The following DHCR24 variants were observed in gnomAD, a reference collection of about 807,000 sequenced individuals.
DHCR24 encodes delta(24)-sterol reductase.
A neutral mutation model predicts 61.2 loss-of-function variants in DHCR24; 28 were observed. That is an observed-to-expected ratio of 0.46 (90% confidence interval 0.34 to 0.63). The LOEUF is 0.63. Among genes scored for constraint, DHCR24 ranks in the 20% least tolerant of loss-of-function variants. DHCR24 has a pLI of 0.01. For missense variants in DHCR24, 538 were observed against 679.1 expected (o/e 0.79, Z 2.31); for synonymous variants, 261 against 275.9 (o/e 0.95, Z 0.54).
Position 54,886,710 on chromosome 1 carries a change from G to T in DHCR24, c.231+179C>A, listed in dbSNP as rs1260213430. 4 of 1,463,192 alleles carry T rather than the reference G, an allele frequency of 2.7e-6. No individual in the cohort carries two copies. In the African/African-American group the frequency reaches 4.3e-5, roughly 16 times the overall value. 90.6% of individuals were successfully genotyped at this position (1,463,192 alleles called of 1,614,324 possible). On this transcript the variant is annotated intron_variant, in intron 1 of 8. Transcript: ENST00000371269. ...ACACAGTGGGCACTTTGCCTGTTCT[G>T]TTCCCCCGCCCCCATCACATTTTTG...
chr1:54,886,721 C>T, intron 1 of DHCR24, 168 bp downstream of exon 1: 1 of 1,414,306 alleles, frequency 7.1e-7, no homozygotes, highest in Non-Finnish European at 9.3e-7. Flanking sequence ...TTCCCCCGCC[C>T]CCATCACATT....
rs1557439371 is a variant in DHCR24 at position 54,879,331 on chromosome 1, A to AGGG, written c.388-3285_388-3284insCCC. Among the ~76,000 whole-genome samples the AGGG allele has an allele frequency of 8.6e-3, 653 of 76,080 alleles. 7 individuals carry two copies. The highest frequency in any genetic ancestry group is 0.013 in the Non-Finnish European group (503 of 37,320). The allele number at this position is 76,080 out of a possible 152,430, so 49.9% of individuals were successfully genotyped here. A position where few individuals can be genotyped will look rare whatever the true frequency, so the allele number is the denominator to read the frequency against. On this transcript the variant is annotated intron_variant, in intron 2 of 8. Coordinates refer to ENST00000371269, the MANE Select transcript of DHCR24 (RefSeq NM_014762.4). ...GAGCAAGACTCCATCTGAAAAAAAA[A>AGGG]AAAAAAAAAAAAAAAAAAAAATCCA...
At chr1:54,884,438 A>T (rs1036445878) in intron 1 of DHCR24, among the ~76,000 whole-genome samples, 2 of 152,214 alleles carry the variant, frequency 1.3e-5, no homozygotes, top group Non-Finnish European at 2.9e-5. Flanking sequence ...GGAGCAGGGA[A>T]GGACCACCAA....
rs1444702507 is a variant in DHCR24, at chr1:54,871,354, C to CTGGG, written c.868_871dup (p.Ser291ThrfsTer6). On this transcript the variant is annotated frameshift_variant, in exon 5 of 9. Coordinates refer to ENST00000371269, the MANE Select transcript of DHCR24 (RefSeq NM_014762.4). LOFTEE classifies it high-confidence loss of function. ...GCAGCTGACACCCTGGCTTACCTTG[C>CTGGG]TGGGCTCTGCCTCATCTGTCATGAC... is the stretch of plus-strand genomic sequence containing the variant. 6.2e-7 allele frequency: 1 copy of CTGGG among 1,613,932 alleles called. No homozygotes were observed. Among genetic ancestry groups the CTGGG allele is most frequent in the Non-Finnish European group, 8.5e-7 (1 of 1,180,030 alleles).
In DHCR24 at chr1:54,853,041, G is replaced by T. The variant is rs376241317; in HGVS notation, c.1397+393C>A. ...ATCCTCTGTCCTGGGCCTCTCCGTGGTTTTCATAGACAGGAATCCCTCTCT... is the reference window on the plus strand; with the variant it reads ...ATCCTCTGTCCTGGGCCTCTCCGTGTTTTTCATAGACAGGAATCCCTCTCT... On this transcript the variant is annotated intron_variant, in intron 8 of 8. Transcript: ENST00000371269. 1.1e-3 allele frequency among the ~76,000 whole-genome samples: 174 copies of T among 152,242 alleles called. 1 individual carries two copies. In the South Asian group the frequency reaches 0.028, roughly 24 times the overall value.
At chr1:54,873,556 G>A (rs959854154) in intron 4 of DHCR24, among the ~76,000 whole-genome samples, 4 of 152,192 alleles carry the variant, frequency 2.6e-5, no homozygotes, top group African/African-American at 9.7e-5. Flanking sequence ...GTGTGTTATT[G>A]CCCCTGAAGA....
Position 54,852,003 on chromosome 1 carries a change from G to T in DHCR24, c.*230C>A. 1 of 586,092 alleles carries T rather than the reference G, an allele frequency of 1.7e-6. No individual in the cohort carries two copies. The highest frequency in any genetic ancestry group is 3.0e-6 in the Non-Finnish European group (1 of 329,790). The allele number at this position is 586,092 out of a possible 1,614,324, so 36.3% of individuals were successfully genotyped here. A position where few individuals can be genotyped will look rare whatever the true frequency, so the allele number is the denominator to read the frequency against. ...TCACCCAGAGTCACACAGCTAATGA[G>T]TTCTAAACGGGGAACTGGACTCAGG... is the stretch of plus-strand genomic sequence containing the variant. On this transcript the variant is annotated 3_prime_UTR_variant, in exon 9 of 9. Transcript: ENST00000371269.
At chr1:54,877,871 T>C (rs1461489718) in intron 2 of DHCR24, among the ~76,000 whole-genome samples, 1 of 151,316 alleles carries the variant, frequency 6.6e-6, no homozygotes, top group Non-Finnish European at 1.5e-5. Flanking sequence ...ATTAGCTGGG[T>C]GTGGTGGCAA....
At chr1:54,868,610 G>A (rs935444864) in intron 5 of DHCR24, among the ~76,000 whole-genome samples, 10 of 152,174 alleles carry the variant, frequency 6.6e-5, no homozygotes, top group Non-Finnish European at 1.2e-4. Flanking sequence ...AGTGCAAGGT[G>A]CAATGCAAGG....
Position 54,853,454 on chromosome 1 carries a change from C to T in DHCR24, c.1377G>A (p.Lys459=). Residue 459 remains lysine (K), a synonymous_variant, in exon 8 of 9, where the codon AAG becomes AAA. Coordinates refer to ENST00000371269, the MANE Select transcript of DHCR24 (RefSeq NM_014762.4). ...EARSCMRQLE[K]FVRSVHGFQM... is the part of the protein sequence containing the mutation. ...CTCACCCATGCACGCTGCGGACAAACTTCTCCAGCTGCCTCATGCAGGACC... is the reference window on the plus strand; with the variant it reads ...CTCACCCATGCACGCTGCGGACAAATTTCTCCAGCTGCCTCATGCAGGACC... 1.2e-6 allele frequency: 2 copies of T among 1,614,198 alleles called. No homozygotes were observed. The highest frequency in any genetic ancestry group is 2.2e-5 in the South Asian group (2 of 91,076).
Position 54,865,266 on chromosome 1 carries a change from C to T in DHCR24, c.1020+37G>A, listed in dbSNP as rs1415170677. ...CTGTCCGGGCTCCCTGCCCAGCTGG[C>T]CTGGAGGAGCCAGGGCTACAGAAAC... On this transcript the variant is annotated intron_variant, in intron 6 of 8. Coordinates refer to ENST00000371269, the MANE Select transcript of DHCR24 (RefSeq NM_014762.4). 2.5e-6 allele frequency: 4 copies of T among 1,601,716 alleles called. No homozygotes were observed. In the Admixed American group the frequency reaches 5.2e-5, roughly 21 times the overall value.
Position 54,885,067 on chromosome 1 carries a change from C to T in DHCR24, c.232-1294G>A, listed in dbSNP as rs757051076. Among the ~76,000 whole-genome samples, 10 of 152,222 alleles carry T rather than the reference C, an allele frequency of 6.6e-5. No individual in the cohort carries two copies. The East Asian group carries it at 1.9e-3, about 29-fold the overall frequency. On this transcript the variant is annotated intron_variant, in intron 1 of 8. Transcript: ENST00000371269. ...GTCAGTTTGAATTGAGCTTCTTTCA[C>T]TTGCAACCAAAAGTCTGGTCAAATA...
intron 7 of DHCR24, 139 bp from the exon 8 acceptor site, chr1:54,853,751 C>T: frequency 1.9e-6 from 2 of 1,037,874 alleles, no homozygotes; most frequent in South Asian, 1.4e-5. Context: ...CTTCACTGCC[C>T]CGCCCCCCAG....
intron 6 of DHCR24, 141 bp downstream of exon 6, chr1:54,865,162 C>A: frequency 9.8e-7 from 1 of 1,016,806 alleles, no homozygotes; most frequent in Non-Finnish European, 1.5e-6. Flanking sequence ...GACTGTGTTG[C>A]TGCTTAAGAA....
intron 1 of DHCR24, 53 bp downstream of exon 1, chr1:54,886,836 C>T: frequency 1.3e-6 from 2 of 1,592,966 alleles, no homozygotes; most frequent in Admixed American, 3.6e-5. Context: ...TCCCGCTATC[C>T]CCGCGCACGC....
At chr1:54,884,833 C>T (rs1383755334) in intron 1 of DHCR24, among the ~76,000 whole-genome samples, 2 of 152,096 alleles carry the variant, frequency 1.3e-5, no homozygotes, top group African/African-American at 4.8e-5. Context: ...GTCGCTAAGC[C>T]GGTTGGATAT....
intron 4 of DHCR24, among the ~76,000 whole-genome samples, chr1:54,872,579 C>A (rs1557436734): frequency 6.6e-6 from 1 of 152,136 alleles, no homozygotes; most frequent in Non-Finnish European, 1.5e-5. Flanking sequence ...CCAATTCCCC[C>A]TTGGGCCCAC....
chr1:54,875,633 T>C (rs1186476281), intron 3 of DHCR24, among the ~76,000 whole-genome samples: 6 of 151,986 alleles, frequency 3.9e-5, no homozygotes. Context: ...ATGAATCCTA[T>C]GGGAGGAGAA....
At chr1:54,882,728 G>A (rs1441661051) in intron 2 of DHCR24, among the ~76,000 whole-genome samples, 1 of 152,198 alleles carries the variant, frequency 6.6e-6, no homozygotes, top group African/African-American at 2.4e-5. Flanking sequence ...GATGTTGAGT[G>A]AAAGAGGCTA....
Sources: gnomAD v4.1 joint callset for allele counts (sites outside exome capture counted in the v4.1 genomes callset) on GRCh38, gnomAD v4.1.1 for gene constraint, MANE v1.5 for transcripts, NCBI Gene and HGNC (gene_info 2026-07-23, HGNC 2026-07-21) for gene names.